BCR: variants seen among roughly 807,000 people sequenced by gnomAD.
The protein encoded by BCR is breakpoint cluster region protein.
Under a neutral mutation model 138.6 loss-of-function variants are expected in BCR, and 58 were observed. The observed-to-expected ratio is 0.42, with a 90% CI of 0.34 to 0.52. The LOEUF is 0.52. Among genes scored for constraint, BCR ranks in the 20% least tolerant of loss-of-function variants. The probability of loss-of-function intolerance (pLI) is 0.06; values close to 1 mark genes in which losing one functional copy is unlikely to be tolerated. For synonymous variants in BCR, 786 were observed against 730.1 expected (o/e 1.08, Z -1.23); for missense variants, 1,599 against 1,727.2 (o/e 0.93, Z 1.32).
chr22:23,263,322 G>A lies in BCR; in HGVS notation c.1752+1782G>A, dbSNP rs952926080. The A allele has an allele frequency of 2.7e-5, 32 of 1,183,578 alleles. No homozygotes were observed. The East Asian group carries it at 3.3e-4, about 12-fold the overall frequency. 73.3% of individuals were successfully genotyped at this position (1,183,578 alleles called of 1,614,324 possible). A position where few individuals can be genotyped will look rare whatever the true frequency, so the allele number is the denominator to read the frequency against. ...CTGGCTGTGGCACTTCACCAACTGC[G>A]ACCTGCTCCGGCGCCAGATAGCCTG... On this transcript the variant is annotated intron_variant, in intron 4 of 22. Transcript: ENST00000305877.
intron 1 of BCR, among the ~76,000 whole-genome samples, chr22:23,196,118 A>G (rs978784121): frequency 5.3e-5 from 8 of 152,220 alleles, no homozygotes; most frequent in African/African-American, 1.9e-4. Flanking sequence ...AAAATGTACC[A>G]TCTCAACCAC....
At chr22:23,247,648 G>C (rs749273133) in intron 1 of BCR, among the ~76,000 whole-genome samples, 2 of 152,162 alleles carry the variant, frequency 1.3e-5, no homozygotes, top group African/African-American at 2.4e-5. Context: ...GGTCTCTCTA[G>C]GCATATCTGG....
chr22:23,295,264 T>TGGGCA, intron 16 of BCR, 109 bp downstream of exon 16: 2 of 436,870 alleles, frequency 4.6e-6, no homozygotes, highest in Admixed American at 5.8e-5. Context: ...TGGGGTGGGG[T>TGGGCA]GGGCAGCTGT....
rs747489604 is a variant in BCR at position 23,181,668 on chromosome 22, G to A, written c.708G>A (p.Ser236=). The change falls in exon 1 of 23, where the codon TCG becomes TCA. Residue 236 remains serine, a synonymous_variant. Coordinates refer to ENST00000305877, the MANE Select transcript of BCR (RefSeq NM_004327.4). ...GGCCCCCTTACCGGGGACGCTCCTC[G>A]GAGAGCAGCTGCGGCGTCGACGGCG... The part of the protein sequence containing the change: ...ASRPPYRGRS[S]ESSCGVDGDY... 13 of 1,607,280 alleles carry A rather than the reference G, an allele frequency of 8.1e-6. No individual in the cohort carries two copies. The highest frequency in any genetic ancestry group is 2.2e-5 in the South Asian group (2 of 91,072).
Position 23,311,845 on chromosome 22 carries a change from T to A in BCR, c.3322+9T>A, listed in dbSNP as rs759869231. 4.4e-6 allele frequency: 7 copies of A among 1,605,776 alleles called. No homozygotes were observed. Among genetic ancestry groups the A allele is most frequent in the Non-Finnish European group, 5.9e-6 (7 of 1,179,700 alleles). On this transcript the variant is annotated intron_variant, in intron 19 of 22. Transcript: ENST00000305877. ...GGCAGCCTTCGACGTCAGTGAGTGT[T>A]GGCCTGCGCAGGACGGGATGGAGGT...
intron 1 of BCR, among the ~76,000 whole-genome samples, chr22:23,205,682 G>C (rs2072605068): frequency 6.6e-6 from 1 of 151,530 alleles, no homozygotes; most frequent in African/African-American, 2.4e-5. Context: ...ACAGTATTGG[G>C]ATTGGCTGAA....
chr22:23,181,572 C>T lies in BCR; in HGVS notation c.612C>T (p.Gly204=). The part of the protein sequence containing the change: ...KEVSDRISSL[G]SQAMQMERKK... ...TGTCGGACCGCATCAGCTCCCTGGG[C>T]AGCCAGGCCATGCAGATGGAGCGCA... Residue 204 remains glycine, a synonymous_variant, in exon 1 of 23, where the codon GGC becomes GGT. Coordinates refer to ENST00000305877, the MANE Select transcript of BCR (RefSeq NM_004327.4). The T allele has an allele frequency of 1.9e-6, 3 of 1,612,942 alleles. No individual in the cohort carries two copies. The highest frequency in any genetic ancestry group is 2.5e-6 in the Non-Finnish European group (3 of 1,179,992).
chr22:23,254,322 T>C (rs1268193859), intron 2 of BCR, among the ~76,000 whole-genome samples: 1 of 152,134 alleles, frequency 6.6e-6, no homozygotes, highest in Non-Finnish European at 1.5e-5. Context: ...TGGGTCCCTT[T>C]GCTTCATAGC....
intron 1 of BCR, among the ~76,000 whole-genome samples, chr22:23,211,698 C>G (rs2146220513): frequency 6.6e-6 from 1 of 151,916 alleles, no homozygotes; most frequent in East Asian, 1.9e-4. Flanking sequence ...TTAATAGAGA[C>G]AGGGTTTCAT....
chr22:23,288,280 G>A (rs1054268082), intron 12 of BCR, 108 bp downstream of exon 12: 10 of 1,155,930 alleles, frequency 8.7e-6, no homozygotes, highest in Admixed American at 1.9e-5. Flanking sequence ...TTTTATCCAA[G>A]TGAAGTGTTG....
intron 11 of BCR, 85 bp from the exon 12 acceptor site, chr22:23,288,012 G>A (rs1430093633): frequency 7.7e-7 from 1 of 1,306,596 alleles, no homozygotes; most frequent in Non-Finnish European, 1.1e-6. Flanking sequence ...GATACGAGTT[G>A]TGTGCTCTAA....
At chr22:23,217,172 A>G in intron 1 of BCR, 1 of 276,566 alleles carries the variant, frequency 3.6e-6, no homozygotes, top group Non-Finnish European at 7.6e-6. Flanking sequence ...TTGGTAGAGG[A>G]GGTGAGGTTG....
At chr22:23,189,662 G>A (rs1421361071) in intron 1 of BCR, among the ~76,000 whole-genome samples, 3 of 151,882 alleles carry the variant, frequency 2.0e-5, no homozygotes, top group Non-Finnish European at 2.9e-5. Flanking sequence ...CATCACACCC[G>A]GCTAATTTTT....
At chr22:23,265,850 C>G (rs2073435197) in intron 4 of BCR, among the ~76,000 whole-genome samples, 1 of 152,162 alleles carries the variant, frequency 6.6e-6, no homozygotes, top group Non-Finnish European at 1.5e-5. Context: ...TCCTATAACT[C>G]ACAGTAGAAT....
At chr22:23,314,884 C>T (rs1179930274) in intron 22 of BCR, among the ~76,000 whole-genome samples, 170 bp downstream of exon 22, 4 of 152,202 alleles carry the variant, frequency 2.6e-5, no homozygotes, top group Non-Finnish European at 4.4e-5. Context: ...TAGTGGGGGC[C>T]CAGGCCACCT....
At chr22:23,292,928 A>G (rs1323692457) in intron 15 of BCR, among the ~76,000 whole-genome samples, 1 of 152,106 alleles carries the variant, frequency 6.6e-6, no homozygotes, top group Non-Finnish European at 1.5e-5. Flanking sequence ...GTTAGCGCTT[A>G]TGTTTACTTG....
At chr22:23,264,152 G>T (rs1329332310) in intron 4 of BCR, 37 of 1,517,230 alleles carry the variant, frequency 2.4e-5, no homozygotes, top group Non-Finnish European at 3.3e-5. Context: ...ACTGCCTGCA[G>T]ACAGATGGCA....
intron 9 of BCR, among the ~76,000 whole-genome samples, chr22:23,284,629 G>A (rs1228883692): frequency 6.6e-6 from 1 of 152,200 alleles, no homozygotes; most frequent in Non-Finnish European, 1.5e-5. Context: ...ACTCAGAGGA[G>A]AGCCTTAGTT....
chr22:23,299,043 C>G (rs1388804122), intron 16 of BCR, among the ~76,000 whole-genome samples: 1 of 152,234 alleles, frequency 6.6e-6, no homozygotes, highest in South Asian at 2.1e-4. Flanking sequence ...GTCGCCCAGG[C>G]TGGAGTGCAG....
Sources: allele counts gnomAD v4.1 joint callset (sites outside exome capture counted in the v4.1 genomes callset), GRCh38; gene constraint gnomAD v4.1.1; transcripts MANE v1.5; gene names NCBI Gene and HGNC (gene_info 2026-07-23, HGNC 2026-07-21).